The following MAF variants were observed in gnomAD, a reference collection of about 807,000 sequenced individuals.
MAF encodes MAF bZIP transcription factor, also known as transcription factor Maf.
MAF carries 10 observed loss-of-function variants against 22.0 expected under a neutral mutation model. The observed-to-expected ratio is 0.45, with a 90% CI of 0.28 to 0.77. The LOEUF is 0.77. Among genes scored for constraint, MAF ranks in the 30% least tolerant of loss-of-function variants. MAF has a pLI of 0.12. For synonymous variants in MAF, 337 were observed against 255.8 expected (o/e 1.32, Z -3.03); for missense variants, 544 against 548.4 (o/e 0.99, Z 0.08).
At chr16:79,577,968 C>T in the MAF span, among the ~76,000 whole-genome samples, 1 of 152,266 alleles carries the variant, frequency 6.6e-6, no homozygotes, top group African/African-American at 2.4e-5. Flanking sequence ...ATACCCTTGA[C>T]ATTGGTTACA....
chr16:79,374,125 G>T, the MAF span, among the ~76,000 whole-genome samples: 1 of 152,134 alleles, frequency 6.6e-6, no homozygotes, highest in Non-Finnish European at 1.5e-5. Flanking sequence ...ACATGTAGAA[G>T]GTACCCTGGG....
chr16:79,348,824 G>A, the MAF span, among the ~76,000 whole-genome samples: 24 of 152,188 alleles, frequency 1.6e-4, no homozygotes, highest in African/African-American at 4.8e-4. Context: ...ATGAGTCAGG[G>A]CAGATATTCT....
At chr16:79,479,801 T>A in the MAF span, among the ~76,000 whole-genome samples, 1 of 152,220 alleles carries the variant, frequency 6.6e-6, no homozygotes, top group Non-Finnish European at 1.5e-5. Flanking sequence ...CTTGTTGGCA[T>A]TGTTGACCTC....
the MAF span, among the ~76,000 whole-genome samples, chr16:79,316,069 A>G: frequency 6.6e-6 from 1 of 152,262 alleles, no homozygotes; most frequent in Non-Finnish European, 1.5e-5. Context: ...TGTCACCAAC[A>G]TGCATAACCT....
chr16:79,275,744 TTTG>T, the MAF span, among the ~76,000 whole-genome samples: 1 of 152,212 alleles, frequency 6.6e-6, no homozygotes, highest in African/African-American at 2.4e-5. Flanking sequence ...TACTTCCATT[TTTG>T]TTGAGGGGAA....
At chr16:79,492,962 T>C in the MAF span, among the ~76,000 whole-genome samples, 1 of 115,978 alleles carries the variant, frequency 8.6e-6, no homozygotes, top group Non-Finnish European at 2.1e-5. Context: ...ATGTTTTCTT[T>C]TTCTTTTTTT....
the MAF span, among the ~76,000 whole-genome samples, chr16:79,366,650 G>A: frequency 1.3e-5 from 2 of 152,182 alleles, no homozygotes; most frequent in Non-Finnish European, 2.9e-5. Context: ...TTGAGAGTCA[G>A]CATGCAATTT....
At chr16:79,436,762 C>T in the MAF span, among the ~76,000 whole-genome samples, 1 of 152,178 alleles carries the variant, frequency 6.6e-6, no homozygotes, top group Non-Finnish European at 1.5e-5. Flanking sequence ...CCTAAGATGA[C>T]GTGATGCCCT....
chr16:79,419,727 C>G, the MAF span, among the ~76,000 whole-genome samples: 1 of 152,132 alleles, frequency 6.6e-6, no homozygotes, highest in South Asian at 2.1e-4. Flanking sequence ...AAACCTAGAC[C>G]GAGCTCACCT....
the MAF span, among the ~76,000 whole-genome samples, chr16:79,571,471 T>C: frequency 2.7e-5 from 4 of 150,818 alleles, no homozygotes; most frequent in Non-Finnish European, 5.9e-5. Context: ...CACCACTCCA[T>C]AATTCTTTCT....
the MAF span, among the ~76,000 whole-genome samples, chr16:79,461,111 T>A: frequency 1.3e-3 from 196 of 152,344 alleles, 1 homozygote; most frequent in African/African-American, 4.6e-3. Context: ...AACTGTTTAG[T>A]AACTTTTATA....
At chr16:79,530,046 T>C in the MAF span, among the ~76,000 whole-genome samples, 1 of 152,318 alleles carries the variant, frequency 6.6e-6, no homozygotes, top group African/African-American at 2.4e-5. Context: ...AGAGTAATTT[T>C]TCTATCAAAG....
chr16:79,524,184 A>C, the MAF span, among the ~76,000 whole-genome samples: 1 of 152,182 alleles, frequency 6.6e-6, no homozygotes, highest in Non-Finnish European at 1.5e-5. Context: ...TGTTCGGGTC[A>C]GTTTCAACGG....
downstream of MAF, among the ~76,000 whole-genome samples, chr16:79,592,108 C>T (rs1170929549): frequency 6.6e-6 from 1 of 152,214 alleles, no homozygotes; most frequent in East Asian, 1.9e-4. Context: ...TCCCCTTTCT[C>T]TTGTTTCCCT....
chr16:79,275,501 C>T, the MAF span, among the ~76,000 whole-genome samples: 17 of 152,176 alleles, frequency 1.1e-4, no homozygotes, highest in South Asian at 2.1e-4. Flanking sequence ...AACAGAGACA[C>T]GAGCAAGGAA....
chr16:79,587,442 T>C (rs1390368460), intron 1 of MAF, among the ~76,000 whole-genome samples: 1 of 152,118 alleles, frequency 6.6e-6, no homozygotes, highest in Non-Finnish European at 1.5e-5. Context: ...TTTTTTAATC[T>C]TTAGAAACAA....
chr16:79,365,836 G>A, the MAF span, among the ~76,000 whole-genome samples: 8 of 152,224 alleles, frequency 5.3e-5, no homozygotes, highest in Non-Finnish European at 8.8e-5. Context: ...AACATGCACT[G>A]CTTCCAAGGA....
the MAF span, among the ~76,000 whole-genome samples, chr16:79,326,583 A>C: frequency 2.6e-5 from 4 of 152,204 alleles, no homozygotes; most frequent in East Asian, 5.8e-4. Flanking sequence ...AGGGCTTGGA[A>C]AACTTGTTCT....
the MAF span, among the ~76,000 whole-genome samples, chr16:79,550,292 G>T: frequency 1.3e-5 from 2 of 152,180 alleles, no homozygotes; most frequent in East Asian, 3.9e-4. Flanking sequence ...GATCTTCAGG[G>T]GGGATTAGGA....
Sources: gnomAD v4.1 joint callset for allele counts (sites outside exome capture counted in the v4.1 genomes callset) on GRCh38, gnomAD v4.1.1 for gene constraint, MANE v1.5 for transcripts, NCBI Gene and HGNC (gene_info 2026-07-23, HGNC 2026-07-21) for gene names.